MAML3: variants seen among roughly 807,000 people sequenced by gnomAD.
MAML3 encodes mastermind like transcriptional coactivator 3.
Under a neutral mutation model 101.9 loss-of-function variants are expected in MAML3, and 27 were observed. The ratio of observed to expected loss-of-function variants is 0.27; its 90% confidence interval spans 0.20 to 0.37. MAML3 has a LOEUF of 0.37. Ranked by LOEUF, MAML3 falls within the 10% of genes least tolerant of loss-of-function variation. MAML3 has a pLI of 1.00. For synonymous variants in MAML3, 501 were observed against 555.9 expected, an observed-to-expected ratio of 0.90 and a Z score of 1.39; for missense variants, 1,316 against 1,444.9, an observed-to-expected ratio of 0.91 and a Z score of 1.45.
At chr4:140,145,942 C>T (rs1729056608) in intron 1 of MAML3, among the ~76,000 whole-genome samples, 1 of 139,932 alleles carries the variant, frequency 7.1e-6, no homozygotes, top group Non-Finnish European at 1.5e-5. Context: ...GGCACAATCT[C>T]GGCTCACTGC....
intron 1 of MAML3, among the ~76,000 whole-genome samples, chr4:139,902,672 G>C (rs1358283808): frequency 6.6e-6 from 1 of 152,188 alleles, no homozygotes; most frequent in Non-Finnish European, 1.5e-5. Context: ...TCTGGAGCCT[G>C]GCGGCAGAGC....
intron 1 of MAML3, among the ~76,000 whole-genome samples, chr4:140,070,718 C>T (rs1406034213): frequency 2.0e-5 from 3 of 152,200 alleles, no homozygotes; most frequent in Admixed American, 6.5e-5. Flanking sequence ...TCAGATGAGC[C>T]ACTTCAGAAG....
At chr4:140,011,548 G>T (rs1277504350) in intron 1 of MAML3, among the ~76,000 whole-genome samples, 1 of 150,974 alleles carries the variant, frequency 6.6e-6, no homozygotes, top group Non-Finnish European at 1.5e-5. Flanking sequence ...GTTTCACCTT[G>T]TTAGCCAGGA....
intron 1 of MAML3, among the ~76,000 whole-genome samples, chr4:140,083,080 C>A (rs1196041721): frequency 6.6e-6 from 1 of 152,126 alleles, no homozygotes; most frequent in Non-Finnish European, 1.5e-5. Flanking sequence ...ATGTTTACAA[C>A]AAATCTAGGA....
intron 1 of MAML3, among the ~76,000 whole-genome samples, chr4:140,104,099 A>G (rs368181337): frequency 6.8e-6 from 1 of 147,796 alleles, no homozygotes; most frequent in East Asian, 2.1e-4. Flanking sequence ...AAAAATAAAT[A>G]ATAAGAACAA....
At chr4:140,033,904 C>T (rs527918281) in intron 1 of MAML3, among the ~76,000 whole-genome samples, 194 of 152,240 alleles carry the variant, frequency 1.3e-3, no homozygotes, top group Middle Eastern at 6.8e-3. Flanking sequence ...TTTGTGAGGT[C>T]TATAAAAGAA....
intron 2 of MAML3, among the ~76,000 whole-genome samples, chr4:139,780,883 C>T (rs1730189737): frequency 4.6e-5 from 7 of 152,170 alleles, no homozygotes. Context: ...CTCGCCTTGG[C>T]TGCCCAAAGT....
chr4:139,916,236 A>G (rs1464481084), intron 1 of MAML3, among the ~76,000 whole-genome samples: 4 of 152,184 alleles, frequency 2.6e-5, no homozygotes, highest in Non-Finnish European at 4.4e-5. Flanking sequence ...TGAGATAGGA[A>G]AAAAAGGAAG....
chr4:139,746,197 G>T (rs1002576030), intron 2 of MAML3, among the ~76,000 whole-genome samples: 11 of 152,086 alleles, frequency 7.2e-5, no homozygotes, highest in African/African-American at 2.7e-4. Context: ...AACAGAAATG[G>T]TATGTTATAT....
At chr4:139,888,453 G>C in intron 2 of MAML3, 1 of 491,342 alleles carries the variant, frequency 2.0e-6, no homozygotes, top group Admixed American at 2.1e-5. Flanking sequence ...TGTAGGGCAG[G>C]GGGAGTCGCT....
At chr4:139,791,216 G>T (rs1022944277) in intron 2 of MAML3, among the ~76,000 whole-genome samples, 3 of 152,040 alleles carry the variant, frequency 2.0e-5, no homozygotes, top group Non-Finnish European at 4.4e-5. Flanking sequence ...CTCATCCACC[G>T]CTGGGTATGG....
intron 1 of MAML3, among the ~76,000 whole-genome samples, chr4:140,089,995 T>C (rs963242971): frequency 6.6e-6 from 1 of 152,268 alleles, no homozygotes; most frequent in Non-Finnish European, 1.5e-5. Context: ...TACATTTTAC[T>C]GGATGTGAAT....
intron 2 of MAML3, among the ~76,000 whole-genome samples, chr4:139,786,677 G>C (rs1730308515): frequency 6.6e-6 from 1 of 152,164 alleles, no homozygotes; most frequent in Non-Finnish European, 1.5e-5. Context: ...AGACATATCT[G>C]TCAATACAAC....
chr4:140,110,871 A>G (rs1322061725), intron 1 of MAML3, among the ~76,000 whole-genome samples: 3 of 152,222 alleles, frequency 2.0e-5, no homozygotes, highest in Non-Finnish European at 4.4e-5. Context: ...TGTGGTTAGC[A>G]TAAAATATCC....
intron 2 of MAML3, among the ~76,000 whole-genome samples, chr4:139,748,762 A>AGT (rs1289268930): frequency 6.3e-4 from 59 of 93,874 alleles, no homozygotes; most frequent in African/African-American, 2.8e-3. Context: ...GAGCAATTTC[A>AGT]AGCTCCGAGG....
At chr4:139,862,427 A>C (rs1168337267) in intron 2 of MAML3, among the ~76,000 whole-genome samples, 1 of 152,006 alleles carries the variant, frequency 6.6e-6, no homozygotes, top group South Asian at 2.1e-4. Flanking sequence ...CCAACTCCAA[A>C]CTGCGTTTGA....
intron 1 of MAML3, among the ~76,000 whole-genome samples, chr4:140,131,499 G>C (rs375640423): frequency 1.3e-5 from 2 of 152,314 alleles, no homozygotes; most frequent in South Asian, 4.1e-4. Flanking sequence ...AGATGCTTTA[G>C]AAGGTAACAA....
chr4:139,971,263 C>G (rs1383852025), intron 1 of MAML3, among the ~76,000 whole-genome samples: 1 of 152,228 alleles, frequency 6.6e-6, no homozygotes, highest in East Asian at 1.9e-4. Flanking sequence ...ACGAGCCTCC[C>G]AGGCCCCTCT....
intron 1 of MAML3, among the ~76,000 whole-genome samples, chr4:139,978,541 T>G (rs1452857155): frequency 6.7e-6 from 1 of 148,682 alleles, no homozygotes; most frequent in African/African-American, 2.5e-5. Context: ...TTTCTCCTCC[T>G]GGGTAAAGGG....
Sources: gnomAD v4.1 joint callset for allele counts (sites outside exome capture counted in the v4.1 genomes callset) on GRCh38, gnomAD v4.1.1 for gene constraint, MANE v1.5 for transcripts, NCBI Gene and HGNC (gene_info 2026-07-23, HGNC 2026-07-21) for gene names.